The following MSI2 variants were observed in gnomAD, a reference collection of about 807,000 sequenced individuals.
MSI2 encodes the protein musashi RNA binding protein 2.
Under a neutral mutation model 45.6 loss-of-function variants are expected in MSI2, and 17 were observed. The observed-to-expected ratio is 0.37, with a 90% CI of 0.26 to 0.56. MSI2 has a LOEUF of 0.56. MSI2 is among the 20% of genes least tolerant of loss of function. The probability of loss-of-function intolerance (pLI) is 0.77; values close to 1 mark genes in which losing one functional copy is unlikely to be tolerated. For synonymous variants in MSI2, 156 were observed against 158.2 expected (o/e 0.99, Z 0.11); for missense variants, 293 against 444.2 (o/e 0.66, Z 3.06).
intron 9 of MSI2, among the ~76,000 whole-genome samples, chr17:57,621,948 C>A (rs80182198): frequency 0.024 from 3,722 of 152,280 alleles, 151 homozygotes; most frequent in African/African-American, 0.082. Flanking sequence ...GCTCATGCCT[C>A]TACTCCCAGG....
At chr17:57,542,124 T>C (rs2087062658) in intron 7 of MSI2, among the ~76,000 whole-genome samples, 1 of 152,144 alleles carries the variant, frequency 6.6e-6, no homozygotes, top group Non-Finnish European at 1.5e-5. Context: ...TTTGTGTGTC[T>C]CTCACCAGCC....
chr17:57,353,154 GAGA>G (rs1021783354), intron 5 of MSI2, among the ~76,000 whole-genome samples: 1 of 152,172 alleles, frequency 6.6e-6, no homozygotes, highest in African/African-American at 2.4e-5. Flanking sequence ...CTCTCCTCCA[GAGA>G]AGGACACTTT....
At chr17:57,488,363 G>C (rs1231794315) in intron 6 of MSI2, among the ~76,000 whole-genome samples, 1 of 152,152 alleles carries the variant, frequency 6.6e-6, no homozygotes, top group Non-Finnish European at 1.5e-5. Flanking sequence ...CCTTGGGCAG[G>C]TCTTTTTTTC....
chr17:57,626,099 C>CG (rs917712565), intron 9 of MSI2: 28 of 151,564 alleles, frequency 1.8e-4, no homozygotes, highest in African/African-American at 5.4e-4. Flanking sequence ...CTGTGATGGC[C>CG]GGGGGGGTGG....
At chr17:57,574,579 C>T (rs1376711032) in intron 7 of MSI2, among the ~76,000 whole-genome samples, 1 of 152,138 alleles carries the variant, frequency 6.6e-6, no homozygotes, top group Non-Finnish European at 1.5e-5. Flanking sequence ...AGAAGGTTTC[C>T]AGCCTGGATG....
At chr17:57,635,302 T>C (rs149755339) in intron 10 of MSI2, among the ~76,000 whole-genome samples, 97 of 152,346 alleles carry the variant, frequency 6.4e-4, no homozygotes, top group African/African-American at 2.2e-3. Context: ...CATACAGAAG[T>C]GATGTGGTCG....
At chr17:57,586,419 C>T (rs1024024304) in intron 7 of MSI2, among the ~76,000 whole-genome samples, 11 of 151,980 alleles carry the variant, frequency 7.2e-5, no homozygotes, top group African/African-American at 2.7e-4. Flanking sequence ...TTTAGGATGC[C>T]CCCACCCTGT....
At chr17:57,478,765 G>A (rs1394847953) in intron 6 of MSI2, among the ~76,000 whole-genome samples, 1 of 152,194 alleles carries the variant, frequency 6.6e-6, no homozygotes, top group African/African-American at 2.4e-5. Context: ...ATGGGCAAGA[G>A]GCCAAGCCAT....
At chr17:57,649,275 A>G (rs1910938069) in intron 10 of MSI2, among the ~76,000 whole-genome samples, 2 of 152,210 alleles carry the variant, frequency 1.3e-5, no homozygotes, top group Admixed American at 6.5e-5. Flanking sequence ...ACACAGGTAC[A>G]CAATACGTAC....
At chr17:57,459,888 G>T (rs2085190680) in intron 6 of MSI2, among the ~76,000 whole-genome samples, 1 of 152,002 alleles carries the variant, frequency 6.6e-6, no homozygotes, top group East Asian at 1.9e-4. Flanking sequence ...CAGCACTTTG[G>T]AAGGCTGAGG....
rs151172421 is a variant in MSI2 at position 57,593,068 on chromosome 17, A to C, written c.455-3800A>C. ...TTTAAACTAGGCTGTCCTCTGGCTC[A>C]TGGGGCAGTGCCCTTCAGTGGTGGC... On this transcript the variant is annotated intron_variant, in intron 7 of 13. Coordinates refer to ENST00000284073, the MANE Select transcript of MSI2 (RefSeq NM_138962.4). Among the ~76,000 whole-genome samples, 473 of 152,274 alleles carry C rather than the reference A, an allele frequency of 3.1e-3. 4 individuals carry two copies. Among genetic ancestry groups the C allele is most frequent in the African/African-American group, 0.011 (451 of 41,562 alleles).
intron 10 of MSI2, chr17:57,631,621 C>T (rs938143937): frequency 3.4e-5 from 21 of 624,846 alleles, no homozygotes; most frequent in Non-Finnish European, 3.6e-5. Context: ...GGGAACAGCT[C>T]CTTCTTCCCA....
In MSI2 at chr17:57,442,182, G is replaced by A. The variant is rs149045602; in HGVS notation, c.405+40711G>A. ...CTCCCAAGTAGCTGGGACTACAGGC[G>A]CGTGCCACCACGCCCGGCTAATTTT... is the stretch of plus-strand genomic sequence containing the variant. On this transcript the variant is annotated intron_variant, in intron 6 of 13. Transcript: ENST00000284073. Among the ~76,000 whole-genome samples the A allele has an allele frequency of 6.2e-3, 940 of 152,076 alleles. 9 individuals are homozygous for A. The highest frequency in any genetic ancestry group is 0.021 in the African/African-American group (889 of 41,486).
intron 6 of MSI2, among the ~76,000 whole-genome samples, chr17:57,496,750 C>T (rs1023223891): frequency 6.6e-6 from 1 of 152,240 alleles, no homozygotes; most frequent in African/African-American, 2.4e-5. Flanking sequence ...CAAGACAGTT[C>T]AGCACCTGAA....
chr17:57,674,951 G>T (rs900138377), intron 11 of MSI2, 21 bp from the exon 12 acceptor site: 2 of 1,612,388 alleles, frequency 1.2e-6, no homozygotes, highest in South Asian at 1.1e-5. Flanking sequence ...CCGAATTTTG[G>T]CGCGCCCGCT....
At chr17:57,634,380 C>T (rs1166886069) in intron 10 of MSI2, among the ~76,000 whole-genome samples, 8 of 152,004 alleles carry the variant, frequency 5.3e-5, no homozygotes, top group Non-Finnish European at 1.0e-4. Flanking sequence ...GCAGGAGAAT[C>T]GCTTGAGCCT....
chr17:57,447,267 GTTAT>G (rs1381749679), intron 6 of MSI2, among the ~76,000 whole-genome samples: 2 of 152,080 alleles, frequency 1.3e-5, no homozygotes, highest in South Asian at 2.1e-4. Flanking sequence ...GTTTTGTTTC[GTTAT>G]TTATTTATTT....
At chr17:57,401,121 G>A (rs375117909) in intron 5 of MSI2, among the ~76,000 whole-genome samples, 5 of 152,146 alleles carry the variant, frequency 3.3e-5, no homozygotes, top group African/African-American at 4.8e-5. Context: ...ATGAAGTTGC[G>A]TGTTGTGGCT....
chr17:57,441,591 C>G (rs1485958659), intron 6 of MSI2, among the ~76,000 whole-genome samples: 1 of 152,206 alleles, frequency 6.6e-6, no homozygotes, highest in Non-Finnish European at 1.5e-5. Context: ...TTTAGGAAGA[C>G]AGGACCCTAT....
Sources: allele counts gnomAD v4.1 joint callset (sites outside exome capture counted in the v4.1 genomes callset), GRCh38; gene constraint gnomAD v4.1.1; transcripts MANE v1.5; gene names NCBI Gene and HGNC (gene_info 2026-07-23, HGNC 2026-07-21).